TRADD: variants seen among roughly 807,000 people sequenced by gnomAD.
The protein encoded by TRADD is TNFRSF1A associated via death domain, also known as tumor necrosis factor receptor type 1-associated DEATH domain protein.
Under a neutral mutation model 31.5 loss-of-function variants are expected in TRADD, and 14 were observed. The observed-to-expected ratio is 0.44, with a 90% CI of 0.29 to 0.69. The LOEUF is 0.69. TRADD is among the 30% of genes least tolerant of loss of function. The probability of loss-of-function intolerance (pLI) is 0.11; values close to 1 mark genes in which losing one functional copy is unlikely to be tolerated. For synonymous variants in TRADD, 220 were observed against 215.8 expected (o/e 1.02, Z -0.17); for missense variants, 388 against 435.7 (o/e 0.89, Z 0.97).
At chr16:67,155,711 C>G in intron 2 of TRADD, 57 bp from the exon 3 acceptor site, 1 of 1,514,242 alleles carries the variant, frequency 6.6e-7, no homozygotes, top group Non-Finnish European at 8.8e-7. Flanking sequence ...GTTCTCCAAA[C>G]GGCCGGAGGA....
rs558805172 is a variant in TRADD, at chr16:67,156,285, G to A, written c.151+225C>T. ...GCTGGTGGAGGGGGGCGGGGATGGA[G>A]CAAAGGACGTTAGTGCACAAATTGG... On this transcript the variant is annotated intron_variant, in intron 2 of 4. Transcript: ENST00000345057. This position sits in a 1 kb window ranked among gnomAD's most constrained non-coding sequence, Gnocchi z 4.6. 1.7e-5 allele frequency: 20 copies of A among 1,172,196 alleles called. No homozygotes were observed. The South Asian group carries it at 2.8e-4, about 16-fold the overall frequency. The allele number at this position is 1,172,196 out of a possible 1,614,324, so 72.6% of individuals were successfully genotyped here.
chr16:67,158,403 C>A (rs1040745589), intron 1 of TRADD, among the ~76,000 whole-genome samples: 2 of 152,188 alleles, frequency 1.3e-5, no homozygotes, highest in Non-Finnish European at 2.9e-5. Context: ...TGGGCTCAAG[C>A]GATCTGCCCA....
At position 67,154,294 on chromosome 16, in the gene TRADD, TGC is replaced by T; in HGVS notation, c.*353_*354del. ...AAGATTGATTCCTGTTTTACTTCAC[TGC>T]AGTATCTGCAGCACCCAGGATGAAG... On this transcript the variant is annotated 3_prime_UTR_variant, in exon 5 of 5. Coordinates refer to ENST00000345057, the MANE Select transcript of TRADD (RefSeq NM_003789.4). The surrounding 1 kb of genome is among the most constrained non-coding windows in gnomAD (Gnocchi z 5.2). 2.4e-6 allele frequency: 1 copy of T among 411,958 alleles called. No individual in the cohort carries two copies. Among genetic ancestry groups the T allele is most frequent in the African/African-American group, 2.0e-5 (1 of 49,826 alleles). 25.5% of individuals were successfully genotyped at this position (411,958 alleles called of 1,614,324 possible).
rs1049721001 is a variant in TRADD, at chr16:67,156,127, T to C, written c.151+383A>G. 4.4e-6 allele frequency: 6 copies of C among 1,353,042 alleles called. No homozygotes were observed. The highest frequency in any genetic ancestry group is 5.8e-6 in the Non-Finnish European group (6 of 1,031,328). 83.8% of individuals were successfully genotyped at this position (1,353,042 alleles called of 1,614,324 possible). On this transcript the variant is annotated intron_variant, in intron 2 of 4. Coordinates refer to ENST00000345057, the MANE Select transcript of TRADD (RefSeq NM_003789.4). This position sits in a 1 kb window ranked among gnomAD's most constrained non-coding sequence, Gnocchi z 4.6. Reference sequence around the variant, plus strand: ...TCCCCCAACCCGCTTCAGCCTCCTGTGGCCTCTGCCCTGAGATGGGAAAGG... The same window carrying C: ...TCCCCCAACCCGCTTCAGCCTCCTGCGGCCTCTGCCCTGAGATGGGAAAGG...
In TRADD at chr16:67,156,562, C is replaced by T. The variant is rs757551787; in HGVS notation, c.99G>A (p.Ala33=). ...ACACTGCCACCTTCTGCTGGGGGTGCGCGTAGGCATCCGACAGGACCACCT... is the reference window on the plus strand; with the variant it reads ...ACACTGCCACCTTCTGCTGGGGGTGTGCGTAGGCATCCGACAGGACCACCT... ...LDKVVLSDAY[A]HPQQKVAVYR... The change falls in exon 2 of 5, where the codon GCG becomes GCA. Residue 33 remains alanine (A), a synonymous_variant. Coordinates refer to ENST00000345057, the MANE Select transcript of TRADD (RefSeq NM_003789.4). This position sits in a 1 kb window ranked among gnomAD's most constrained non-coding sequence, Gnocchi z 4.6. The T allele has an allele frequency of 3.1e-6, 5 of 1,613,868 alleles. No individual in the cohort carries two copies. The highest frequency in any genetic ancestry group is 2.2e-5 in the South Asian group (2 of 91,080).
chr16:67,155,705 T>C, intron 2 of TRADD, 51 bp from the exon 3 acceptor site: 2 of 1,518,582 alleles, frequency 1.3e-6, no homozygotes, highest in Non-Finnish European at 1.8e-6. Context: ...TCGGCCGTTC[T>C]CCAAACGGCC....
Position 67,154,472 on chromosome 16 carries a change from A to T in TRADD, c.*177T>A, listed in dbSNP as rs56176824. ...TCAAAGTACCTGAGGCAGAATCCCCAATGATGCACCCCCAGTGGTCTGGCT... is the reference window on the plus strand; with the variant it reads ...TCAAAGTACCTGAGGCAGAATCCCCTATGATGCACCCCCAGTGGTCTGGCT... On this transcript the variant is annotated 3_prime_UTR_variant, in exon 5 of 5. Coordinates refer to ENST00000345057, the MANE Select transcript of TRADD (RefSeq NM_003789.4). This position sits in a 1 kb window ranked among gnomAD's most constrained non-coding sequence, Gnocchi z 5.2. 11 of 749,254 alleles carry T rather than the reference A, an allele frequency of 1.5e-5. No individual in the cohort carries two copies. Among genetic ancestry groups the T allele is most frequent in the Non-Finnish European group, 2.4e-5 (11 of 458,074 alleles). The allele number at this position is 749,254 out of a possible 1,614,324, so 46.4% of individuals were successfully genotyped here.
In TRADD at chr16:67,156,268, A is replaced by C; in HGVS notation, c.151+242T>G. 8.2e-7 allele frequency: 1 copy of C among 1,220,192 alleles called. No individual in the cohort carries two copies. The allele number at this position is 1,220,192 out of a possible 1,614,324, so 75.6% of individuals were successfully genotyped here. A position where few individuals can be genotyped will look rare whatever the true frequency, so the allele number is the denominator to read the frequency against. On this transcript the variant is annotated intron_variant, in intron 2 of 4. Transcript: ENST00000345057. This position sits in a 1 kb window ranked among gnomAD's most constrained non-coding sequence, Gnocchi z 4.6. ...TAGAAAGGAGTGAGCCGGCTGGTGG[A>C]GGGGGGCGGGGATGGAGCAAAGGAC... is the stretch of plus-strand genomic sequence containing the variant.
In TRADD at chr16:67,156,920, T is replaced by C. The variant is rs138999543; in HGVS notation, c.-8-252A>G. On this transcript the variant is annotated intron_variant, in intron 1 of 4. Transcript: ENST00000345057. The surrounding 1 kb of genome is among the most constrained non-coding windows in gnomAD (Gnocchi z 4.6). The stretch of plus-strand genomic sequence containing the variant: ...CAGTGAGGACTGTCCCTCCACTGCC[T>C]TCTTGGAGAAAGAGCCCAAGGTCAC... Among the ~76,000 whole-genome samples, 8 of 152,294 alleles carry C rather than the reference T, an allele frequency of 5.3e-5. No homozygotes were observed. The East Asian group carries it at 1.5e-3, about 29-fold the overall frequency.
chr16:67,158,720 A>G (rs1393669308), intron 1 of TRADD, among the ~76,000 whole-genome samples: 1 of 152,242 alleles, frequency 6.6e-6, no homozygotes, highest in Admixed American at 6.5e-5. Flanking sequence ...ACAAGAAAAA[A>G]CAGGAAACTC....
intron 1 of TRADD, among the ~76,000 whole-genome samples, chr16:67,157,523 CAGAA>C (rs1404663992): frequency 2.0e-5 from 3 of 152,120 alleles, no homozygotes; most frequent in African/African-American, 7.2e-5. Flanking sequence ...GAAGCTGACA[CAGAA>C]AGAAAGAGTC....
intron 1 of TRADD, among the ~76,000 whole-genome samples, chr16:67,157,095 T>G (rs1001352678): frequency 6.6e-6 from 1 of 152,186 alleles, no homozygotes; most frequent in African/African-American, 2.4e-5. Context: ...ATCCTGGCCT[T>G]GCCTTCTGAG....
At position 67,156,693 on chromosome 16, in the gene TRADD, C is replaced by A. The variant is rs2030712455; in HGVS notation, c.-8-25G>T. ...CCTGGAGATGCAGACAGTCAGGTAT[C>A]CAGTTCATCCCCCCTCCCTCCACCC... On this transcript the variant is annotated intron_variant, in intron 1 of 4. Transcript: ENST00000345057. This position sits in a 1 kb window ranked among gnomAD's most constrained non-coding sequence, Gnocchi z 4.6. 3 of 1,612,496 alleles carry A rather than the reference C, an allele frequency of 1.9e-6. No individual in the cohort carries two copies. Among genetic ancestry groups the A allele is most frequent in the Non-Finnish European group, 2.5e-6 (3 of 1,180,010 alleles).
chr16:67,156,767 A>G lies in TRADD; in HGVS notation c.-8-99T>C. 6.7e-7 allele frequency: 1 copy of G among 1,496,190 alleles called. No homozygotes were observed. Among genetic ancestry groups the G allele is most frequent in the South Asian group, 1.1e-5 (1 of 88,728 alleles). The allele number at this position is 1,496,190 out of a possible 1,614,324, so 92.7% of individuals were successfully genotyped here. ...GTGGTTCAGCTGTCCCCACCACAGTAGCCTCAAGTCCCACATGGTTCAGTT... is the reference window on the plus strand; with the variant it reads ...GTGGTTCAGCTGTCCCCACCACAGTGGCCTCAAGTCCCACATGGTTCAGTT... On this transcript the variant is annotated intron_variant, in intron 1 of 4. Coordinates refer to ENST00000345057, the MANE Select transcript of TRADD (RefSeq NM_003789.4). The surrounding 1 kb of genome is among the most constrained non-coding windows in gnomAD (Gnocchi z 4.6).
At position 67,156,628 on chromosome 16, in the gene TRADD, C is replaced by G; in HGVS notation, c.33G>C (p.Trp11Cys). 6.2e-7 allele frequency: 1 copy of G among 1,614,102 alleles called. No individual in the cohort carries two copies. The highest frequency in any genetic ancestry group is 8.5e-7 in the Non-Finnish European group (1 of 1,180,028). ...CCACAAACAGGTATGCGCTGCCCACCCACTCTTCGTGCCCATTTTGCCCAG... is the reference window on the plus strand; with the variant it reads ...CCACAAACAGGTATGCGCTGCCCACGCACTCTTCGTGCCCATTTTGCCCAG... MAAGQNGHEE[W>C]VGSAYLFVES... Residue 11 changes from tryptophan (W) to cysteine (C), a missense_variant, in exon 2 of 5, where the codon TGG becomes TGC. Physicochemically the swap from Trp to Cys is radical, Grantham distance 215. Transcript: ENST00000345057. This position sits in a 1 kb window ranked among gnomAD's most constrained non-coding sequence, Gnocchi z 4.6.
Position 67,156,746 on chromosome 16 carries a change from T to G in TRADD, c.-8-78A>C. 2 of 1,581,316 alleles carry G rather than the reference T, an allele frequency of 1.3e-6. No homozygotes were observed. Among genetic ancestry groups the G allele is most frequent in the Non-Finnish European group, 8.6e-7 (1 of 1,159,968 alleles). On this transcript the variant is annotated intron_variant, in intron 1 of 4. Transcript: ENST00000345057. The surrounding 1 kb of genome is among the most constrained non-coding windows in gnomAD (Gnocchi z 4.6). ...GAGACAACTACCCAGCCCCACGTGG[T>G]TCAGCTGTCCCCACCACAGTAGCCT...
chr16:67,155,526 C>T lies in TRADD; in HGVS notation c.280G>A (p.Ala94Thr), dbSNP rs1264866889. Residue 94 changes from alanine (A) to threonine (T), a missense_variant, in exon 3 of 5, where the codon GCG becomes ACG. Coordinates refer to ENST00000345057, the MANE Select transcript of TRADD (RefSeq NM_003789.4). ...GRFLRAYREG[A>T]LRAALQRSLA... ...CTCCTCTGCAGCGCGGCGCGCAGCG[C>T]CCCCTCGCGGTAGGCGCGGAGGAAG... The T allele has an allele frequency of 1.1e-5, 16 of 1,522,304 alleles. No homozygotes were observed. The South Asian group carries it at 1.6e-4, about 15-fold the overall frequency. The allele number at this position is 1,522,304 out of a possible 1,614,324, so 94.3% of individuals were successfully genotyped here.
chr16:67,157,290 G>A (rs552199125), intron 1 of TRADD, among the ~76,000 whole-genome samples: 8 of 152,144 alleles, frequency 5.3e-5, no homozygotes, highest in African/African-American at 1.4e-4. Context: ...GTTCCAGGTC[G>A]GGCTTGTGTA....
chr16:67,159,548 G>A lies in TRADD; in HGVS notation c.-9+290C>T, dbSNP rs1231182861. Among the ~76,000 whole-genome samples, 2 of 152,184 alleles carry A rather than the reference G, an allele frequency of 1.3e-5. No homozygotes were observed. The highest frequency in any genetic ancestry group is 2.4e-5 in the African/African-American group (1 of 41,440). ...CGTGCGATCGGCTGGGGTGGGCAAG[G>A]GGGTCTCCGCTCAAGGAAAGTATTC... On this transcript the variant is annotated intron_variant, in intron 1 of 4. Transcript: ENST00000345057. This position sits in a 1 kb window ranked among gnomAD's most constrained non-coding sequence, Gnocchi z 6.8.
Sources: gnomAD v4.1 joint callset for allele counts (sites outside exome capture counted in the v4.1 genomes callset) on GRCh38, gnomAD v4.1.1 for gene constraint, Gnocchi (gnomAD v3.1) non-coding constraint, MANE v1.5 for transcripts, NCBI Gene and HGNC (gene_info 2026-07-23, HGNC 2026-07-21) for gene names.